Variants in KLRB1 observed in about 807,000 individuals in gnomAD.
KLRB1 encodes the protein killer cell lectin-like receptor subfamily B member 1.
A neutral mutation model predicts 33.5 loss-of-function variants in KLRB1; 27 were observed. That is an observed-to-expected ratio of 0.81 (90% CI 0.59 to 1.11). The LOEUF (loss-of-function observed/expected upper bound fraction) is 1.11. KLRB1 is among the 50% of genes most tolerant of loss of function. The pLI, the probability that KLRB1 is intolerant of heterozygous loss-of-function variation, is 0.00. For missense variants in KLRB1, 241 were observed against 254.1 expected, an observed-to-expected ratio of 0.95 and a Z score of 0.35; for synonymous variants, 64 against 88.9, an observed-to-expected ratio of 0.72 and a Z score of 1.58.
intron 5 of KLRB1, among the ~76,000 whole-genome samples, chr12:9,596,778 A>AAC (rs1864495833): frequency 1.3e-5 from 2 of 152,206 alleles, no homozygotes; most frequent in Admixed American, 1.3e-4. Flanking sequence ...CCCATTAAGA[A>AAC]ACACACACAC....
chr12:9,602,339 G>T (rs972502487), intron 1 of KLRB1, among the ~76,000 whole-genome samples: 1 of 152,016 alleles, frequency 6.6e-6, no homozygotes, highest in Admixed American at 6.6e-5. Context: ...TGATTATATT[G>T]ATGAAATGTT....
chr12:9,604,774 G>A (rs750014989), intron 1 of KLRB1, among the ~76,000 whole-genome samples: 32 of 151,994 alleles, frequency 2.1e-4, no homozygotes, highest in African/African-American at 4.6e-4. Flanking sequence ...CATTAACACC[G>A]TCTCATCTTT....
intron 3 of KLRB1, 28 bp from the exon 4 acceptor site, chr12:9,598,681 A>AT: frequency 6.4e-7 from 1 of 1,564,510 alleles, no homozygotes; most frequent in Non-Finnish European, 8.8e-7. Flanking sequence ...AATAAGAAAT[A>AT]AATGTTATAT....
chr12:9,603,059 G>A (rs950002241), intron 1 of KLRB1, among the ~76,000 whole-genome samples: 1 of 152,166 alleles, frequency 6.6e-6, no homozygotes, highest in African/African-American at 2.4e-5. Flanking sequence ...CTGGGGTCAG[G>A]GTTGTAACAT....
chr12:9,601,281 G>A (rs1399839694), intron 2 of KLRB1, among the ~76,000 whole-genome samples: 1 of 150,878 alleles, frequency 6.6e-6, no homozygotes, highest in Non-Finnish European at 1.5e-5. Flanking sequence ...GAACTCAGAG[G>A]CTGGCGGGAT....
At chr12:9,603,822 G>A in intron 1 of KLRB1, among the ~76,000 whole-genome samples, 1 of 152,062 alleles carries the variant, frequency 6.6e-6, no homozygotes, top group East Asian at 1.9e-4. Context: ...TAGCAAATCT[G>A]AATGTGAACA....
At chr12:9,603,718 G>GAT (rs1565443394) in intron 1 of KLRB1, among the ~76,000 whole-genome samples, 1 of 151,554 alleles carries the variant, frequency 6.6e-6, no homozygotes. Flanking sequence ...TTACATACGT[G>GAT]AGCCACCGCA....
intron 5 of KLRB1, among the ~76,000 whole-genome samples, chr12:9,597,634 C>CTATTTT (rs1331325247): frequency 2.0e-5 from 3 of 152,108 alleles, no homozygotes; most frequent in Admixed American, 2.0e-4. Context: ...CTGATATTTA[C>CTATTTT]TATTTTTTCT....
chr12:9,607,355 C>CTTCCTTCCTTTCTTTCTTTCTTT (rs1555097796), intron 1 of KLRB1, among the ~76,000 whole-genome samples: 3 of 52,772 alleles, frequency 5.7e-5, no homozygotes, highest in Admixed American at 2.6e-4. Context: ...TTTCTTTCTT[C>CTTCCTTCCTTTCTTTCTTTCTTT]CTTTCTTTCT....
intron 1 of KLRB1, among the ~76,000 whole-genome samples, chr12:9,607,504 T>C (rs1478104364): frequency 6.6e-6 from 1 of 151,614 alleles, no homozygotes; most frequent in Admixed American, 6.6e-5. Flanking sequence ...TCAGAGTCTT[T>C]TAACCAAGGC....
chr12:9,598,708 A>G, intron 3 of KLRB1, 55 bp from the exon 4 acceptor site: 1 of 1,265,708 alleles, frequency 7.9e-7, no homozygotes, highest in Non-Finnish European at 1.1e-6. Context: ...CCTATCCCTG[A>G]CACACCACAA....
chr12:9,607,376 C>CTT (rs1257511650), intron 1 of KLRB1, among the ~76,000 whole-genome samples: 41 of 80,040 alleles, frequency 5.1e-4, no homozygotes, highest in Middle Eastern at 6.4e-3. Context: ...TTCTTTCTTT[C>CTT]TTTCTTTCTT....
At chr12:9,597,290 C>G (rs994541064) in intron 5 of KLRB1, among the ~76,000 whole-genome samples, 1 of 152,054 alleles carries the variant, frequency 6.6e-6, no homozygotes, top group Admixed American at 6.6e-5. Flanking sequence ...TTTTGAAAAA[C>G]TCATTAAAAG....
chr12:9,595,560 T>C (rs972263451), intron 5 of KLRB1, 139 bp from the exon 6 acceptor site: 7 of 754,122 alleles, frequency 9.3e-6, no homozygotes, highest in Non-Finnish European at 1.6e-5. Context: ...GTCACAAATA[T>C]AATGGTATGA....
At position 9,595,405 on chromosome 12, in the gene KLRB1, C is replaced by T. The variant is rs1285695247; in HGVS notation, c.547G>A (p.Asp183Asn). ...GAAATACAGCTGTTTTCTTTAGCAT[C>T]ACCTCTAATTTCTAAGCTGTGGAGC... ...LNSNDLEIRGDAKENSCISIS... is the reference protein window; with the variant it reads ...LNSNDLEIRGNAKENSCISIS... Residue 183 changes from aspartate (D) to asparagine (N), a missense_variant, in exon 6 of 6, where the codon GAT (aspartate) becomes AAT (asparagine). Transcript: ENST00000229402. 2.5e-6 allele frequency: 4 copies of T among 1,612,584 alleles called. No individual in the cohort carries two copies. The highest frequency in any genetic ancestry group is 3.4e-6 in the Non-Finnish European group (4 of 1,179,550).
At chr12:9,607,627 A>G in intron 1 of KLRB1, 128 bp downstream of exon 1, 2 of 643,536 alleles carry the variant, frequency 3.1e-6, no homozygotes, top group Non-Finnish European at 5.5e-6. Flanking sequence ...AAGCCATGCA[A>G]CACCCGTTAA....
chr12:9,606,273 A>G (rs1864597364), intron 1 of KLRB1: 1 of 152,192 alleles, frequency 6.6e-6, no homozygotes, highest in South Asian at 2.1e-4. Context: ...TCAGTTAGAT[A>G]TCAGAAAATA....
At chr12:9,607,317 T>TC (rs1491165890) in intron 1 of KLRB1, among the ~76,000 whole-genome samples, 11 of 120,952 alleles carry the variant, frequency 9.1e-5, no homozygotes, top group Admixed American at 3.3e-4. Context: ...TTCTTTCTTC[T>TC]TTTCTTTCTC....
intron 1 of KLRB1, among the ~76,000 whole-genome samples, chr12:9,606,743 TATATATATATATATATA>T (rs1864607621): frequency 2.7e-4 from 8 of 29,562 alleles, no homozygotes; most frequent in African/African-American, 1.2e-3. Flanking sequence ...AGTATATATA[TATATATATATATATATA>T]TTTTTTTTTT....
Sources: gnomAD v4.1 joint callset for allele counts (sites outside exome capture counted in the v4.1 genomes callset) on GRCh38, gnomAD v4.1.1 for gene constraint, MANE v1.5 for transcripts, NCBI Gene and HGNC (gene_info 2026-07-23, HGNC 2026-07-21) for gene names.